UGGT2: variants seen among roughly 807,000 people sequenced by gnomAD.
UGGT2 encodes the protein UDP-glucose glycoprotein glucosyltransferase 2.
UGGT2 carries 180 observed loss-of-function variants against 192.1 expected under a neutral mutation model. The observed-to-expected ratio is 0.94, with a 90% CI of 0.83 to 1.06. UGGT2 has a LOEUF of 1.06. Among genes scored for constraint, UGGT2 ranks in the 50% least tolerant of loss-of-function variants. The pLI is 0.00. For synonymous variants in UGGT2, 580 were observed against 591.0 expected (o/e 0.98, Z 0.27); for missense variants, 1,849 against 1,795.7 (o/e 1.03, Z -0.54).
chr13:96,040,618 T>C (rs2053136775), intron 1 of UGGT2, among the ~76,000 whole-genome samples: 1 of 152,148 alleles, frequency 6.6e-6, no homozygotes, highest in South Asian at 2.1e-4. Flanking sequence ...AATAAACCCA[T>C]TAAGTTGGGT....
intron 1 of UGGT2, among the ~76,000 whole-genome samples, chr13:96,043,231 C>T (rs2053215293): frequency 6.6e-6 from 1 of 152,164 alleles, no homozygotes; most frequent in African/African-American, 2.4e-5. Context: ...TTAAACAAAA[C>T]AATTATCAGT....
chr13:95,832,536 A>C (rs1331961989), intron 38 of UGGT2, among the ~76,000 whole-genome samples: 2 of 152,172 alleles, frequency 1.3e-5, no homozygotes, highest in African/African-American at 4.8e-5. Flanking sequence ...TTTTGGAGAT[A>C]GGAAATGATA....
chr13:95,832,025 C>CT (rs34289402), intron 38 of UGGT2, among the ~76,000 whole-genome samples: 32 of 142,154 alleles, frequency 2.3e-4, no homozygotes, highest in African/African-American at 2.3e-4. Flanking sequence ...ACCAAGAAAA[C>CT]TTTTTTTTTT....
At chr13:96,022,351 A>C (rs1221040029) in intron 4 of UGGT2, among the ~76,000 whole-genome samples, 1 of 152,016 alleles carries the variant, frequency 6.6e-6, no homozygotes, top group Non-Finnish European at 1.5e-5. Flanking sequence ...GTATAAAAAC[A>C]ATATAAAAGT....
At position 95,989,582 on chromosome 13, in the gene UGGT2, A is replaced by AAT. The variant is rs1206537925; in HGVS notation, c.931+389_931+390dup. 3 of 406,208 alleles carry AAT rather than the reference A, an allele frequency of 7.4e-6. No homozygotes were observed. The Admixed American group carries it at 7.9e-5, about 11-fold the overall frequency. The allele number at this position is 406,208 out of a possible 1,614,324, so 25.2% of individuals were successfully genotyped here. On this transcript the variant is annotated intron_variant, in intron 8 of 38. Coordinates refer to ENST00000376747, the MANE Select transcript of UGGT2 (RefSeq NM_020121.4). The stretch of plus-strand genomic sequence containing the variant: ...TTAAACATTTATCAATGAAACATGC[A>AAT]ATAGTCTTAACAGGATCTAAATTTC...
rs911460805 is a variant in UGGT2, at chr13:95,881,347, G to T, written c.3228+3144C>A. Among the ~76,000 whole-genome samples the T allele has an allele frequency of 2.0e-5, 3 of 152,236 alleles. No individual in the cohort carries two copies. In the South Asian group the frequency reaches 6.2e-4, roughly 32 times the overall value. On this transcript the variant is annotated intron_variant, in intron 27 of 38. Coordinates refer to ENST00000376747, the MANE Select transcript of UGGT2 (RefSeq NM_020121.4). ...TATATAAATTTTCAAGTTTGTTAAG[G>T]TTTTGTTTAAATTTCTAAGTTTTGC...
In UGGT2 at chr13:95,900,719, T is replaced by A. The variant is rs1009674603; in HGVS notation, c.2634+88A>T. ...GAACACCGTCCTCTGTGTGTGTCAG[T>A]CACATCAGGGGAATTGTGACAGAAA... On this transcript the variant is annotated intron_variant, in intron 22 of 38. Transcript: ENST00000376747. 7 of 1,387,324 alleles carry A rather than the reference T, an allele frequency of 5.0e-6. 1 individual carries two copies. The African/African-American group carries it at 7.3e-5, about 14-fold the overall frequency. The allele number at this position is 1,387,324 out of a possible 1,614,324, so 85.9% of individuals were successfully genotyped here.
intron 32 of UGGT2, among the ~76,000 whole-genome samples, chr13:95,860,377 A>G (rs1025767489): frequency 6.7e-6 from 1 of 148,984 alleles, no homozygotes; most frequent in Non-Finnish European, 1.5e-5. Context: ...ATATATATAT[A>G]TTCTTACCTA....
chr13:96,035,546 G>A (rs968057317), intron 1 of UGGT2, among the ~76,000 whole-genome samples: 2 of 152,122 alleles, frequency 1.3e-5, no homozygotes, highest in Admixed American at 1.3e-4. Flanking sequence ...TGCAACAAAA[G>A]CAAAAATTGA....
At chr13:96,051,564 C>T (rs2053486804) in intron 1 of UGGT2, among the ~76,000 whole-genome samples, 2 of 151,604 alleles carry the variant, frequency 1.3e-5, no homozygotes, top group African/African-American at 2.4e-5. Context: ...ACCCACAAAA[C>T]GGGAGAAAAT....
intron 38 of UGGT2, among the ~76,000 whole-genome samples, chr13:95,827,898 A>G (rs1340493834): frequency 6.6e-6 from 1 of 152,110 alleles, no homozygotes; most frequent in Non-Finnish European, 1.5e-5. Context: ...GCTGACACCA[A>G]CCAGTTTGAA....
intron 31 of UGGT2, 103 bp downstream of exon 31, chr13:95,863,526 A>T (rs1890355098): frequency 3.6e-6 from 3 of 824,974 alleles, no homozygotes; most frequent in Non-Finnish European, 6.2e-6. Context: ...CTCCTAGATT[A>T]GAGGACCTTT....
At chr13:95,968,704 C>T (rs2050668730) in intron 12 of UGGT2, among the ~76,000 whole-genome samples, 1 of 152,168 alleles carries the variant, frequency 6.6e-6, no homozygotes, top group African/African-American at 2.4e-5. Context: ...ATAAACCCTG[C>T]AGAACTGTAA....
intron 36 of UGGT2, among the ~76,000 whole-genome samples, chr13:95,838,579 T>C (rs1276739139): frequency 6.6e-6 from 1 of 152,080 alleles, no homozygotes; most frequent in African/African-American, 2.4e-5. Flanking sequence ...CAGTGTGGTA[T>C]TGGAAAAATA....
chr13:95,923,984 A>G (rs954222620), intron 20 of UGGT2, among the ~76,000 whole-genome samples: 1 of 152,222 alleles, frequency 6.6e-6, no homozygotes, highest in African/African-American at 2.4e-5. Context: ...GAAAAACTAC[A>G]ATGAAATGAT....
intron 21 of UGGT2, among the ~76,000 whole-genome samples, chr13:95,902,473 T>C (rs949502656): frequency 6.6e-6 from 1 of 152,114 alleles, no homozygotes; most frequent in Non-Finnish European, 1.5e-5. Flanking sequence ...GATCAATATG[T>C]ATTTTTTGAA....
chr13:96,005,066 ACTT>A (rs978293920), intron 5 of UGGT2, among the ~76,000 whole-genome samples: 1 of 152,184 alleles, frequency 6.6e-6, no homozygotes, highest in African/African-American at 2.4e-5. Flanking sequence ...AAGTTTTATT[ACTT>A]CAATTAAAAA....
At chr13:95,978,917 A>T (rs2051027534) in intron 10 of UGGT2, among the ~76,000 whole-genome samples, 1 of 152,242 alleles carries the variant, frequency 6.6e-6, no homozygotes, top group Admixed American at 6.5e-5. Flanking sequence ...CAAAGTAGTT[A>T]GAAATAATTA....
intron 36 of UGGT2, among the ~76,000 whole-genome samples, chr13:95,847,021 T>C (rs1337835279): frequency 6.6e-6 from 1 of 151,522 alleles, no homozygotes; most frequent in African/African-American, 2.4e-5. Context: ...GTTTCATTTT[T>C]AAAAATCTAC....
Sources: gnomAD v4.1 joint callset for allele counts (sites outside exome capture counted in the v4.1 genomes callset) on GRCh38, gnomAD v4.1.1 for gene constraint, MANE v1.5 for transcripts, NCBI Gene and HGNC (gene_info 2026-07-23, HGNC 2026-07-21) for gene names.